The following SIRPA variants were observed in gnomAD, a reference collection of about 807,000 sequenced individuals.
SIRPA encodes the protein signal regulatory protein alpha, also known as tyrosine-protein phosphatase non-receptor type substrate 1.
In SIRPA, 9 loss-of-function variants were observed where a neutral mutation model predicts 50.3. The observed-to-expected ratio is 0.18, with a 90% CI of 0.11 to 0.31. SIRPA has a LOEUF of 0.31. Among genes scored for constraint, SIRPA ranks in the 10% least tolerant of loss-of-function variants. The pLI is 1.00. For synonymous variants in SIRPA, 265 were observed against 284.1 expected (o/e 0.93, Z 0.68); for missense variants, 474 against 661.6 (o/e 0.72, Z 3.11).
intron 1 of SIRPA, among the ~76,000 whole-genome samples, chr20:1,903,783 C>A (rs930966311): frequency 2.2e-4 from 33 of 152,164 alleles, no homozygotes; most frequent in Non-Finnish European, 2.9e-5. Flanking sequence ...CTGTCCCAAC[C>A]ACCCCATTCC....
chr20:1,909,119 G>A (rs1462499083), intron 1 of SIRPA, among the ~76,000 whole-genome samples: 1 of 152,360 alleles, frequency 6.6e-6, no homozygotes. Context: ...AGGGAGCCGG[G>A]TATCACTGCA....
In SIRPA at chr20:1,895,462, C is replaced by T. The variant is rs968099700; in HGVS notation, c.15C>T (p.Gly5=). 9 of 1,424,772 alleles carry T rather than the reference C, an allele frequency of 6.3e-6. No individual in the cohort carries two copies. The Admixed American group carries it at 2.5e-4, about 39-fold the overall frequency. The allele number at this position is 1,424,772 out of a possible 1,614,324, so 88.3% of individuals were successfully genotyped here. Residue 5 remains glycine (G), a synonymous_variant, in exon 1 of 8, where the codon GGC becomes GGT. Coordinates refer to ENST00000358771, the MANE Select transcript of SIRPA (RefSeq NM_001040023.2). ...AGCCGCGGCCCATGGAGCCCGCCGG[C>T]CCGGCCCCCGGCCGCCTCGGGCCGC... MEPA[G]PAPGRLGPLL... is the part of the protein sequence containing the mutation.
chr20:1,895,070 C>CCGCCTCG (rs1983689263), upstream of SIRPA, among the ~76,000 whole-genome samples: 1 of 150,954 alleles, frequency 6.6e-6, no homozygotes, highest in African/African-American at 2.4e-5. Context: ...GGTCTGCGCG[C>CCGCCTCG]CGCCTCGCTC....
chr20:1,896,512 ATCT>A (rs1268304567), intron 1 of SIRPA, among the ~76,000 whole-genome samples: 1 of 151,402 alleles, frequency 6.6e-6, no homozygotes, highest in East Asian at 1.9e-4. Context: ...AAAAATGGGG[ATCT>A]TGTTTTTTGT....
At chr20:1,931,808 C>T (rs1186907638) in intron 6 of SIRPA, among the ~76,000 whole-genome samples, 1 of 152,166 alleles carries the variant, frequency 6.6e-6, no homozygotes, top group African/African-American at 2.4e-5. Context: ...GTAATCTTCC[C>T]CAGCTCAGAT....
In SIRPA at chr20:1,915,011, C is replaced by T; in HGVS notation, c.80-88C>T. On this transcript the variant is annotated intron_variant, in intron 1 of 7. Transcript: ENST00000358771. ...TCACAGCCTGCTTCTGGTGTGCATC[C>T]AGTCAATGAACGTCATTGATAAACA... 5 of 1,065,346 alleles carry T rather than the reference C, an allele frequency of 4.7e-6. 1 individual carries two copies. The Admixed American group carries it at 8.7e-5, about 18-fold the overall frequency. The allele number at this position is 1,065,346 out of a possible 1,614,324, so 66.0% of individuals were successfully genotyped here.
intron 5 of SIRPA, among the ~76,000 whole-genome samples, chr20:1,926,138 G>A (rs1166149312): frequency 6.6e-6 from 1 of 152,164 alleles, no homozygotes; most frequent in Non-Finnish European, 1.5e-5. Flanking sequence ...CCTCCCTCCT[G>A]GGCTGGCTCT....
intron 5 of SIRPA, among the ~76,000 whole-genome samples, chr20:1,925,119 G>A (rs1302971385): frequency 1.3e-5 from 2 of 152,158 alleles, no homozygotes; most frequent in African/African-American, 4.8e-5. Flanking sequence ...TCCTCAAGGG[G>A]CCACTACTGA....
rs1370042282 is a variant in SIRPA at position 1,915,246 on chromosome 20, G to A, written c.227G>A (p.Arg76Gln). 18 of 1,612,186 alleles carry A rather than the reference G, an allele frequency of 1.1e-5. No individual in the cohort carries two copies. Among genetic ancestry groups the A allele is most frequent in the African/African-American group, 4.0e-5 (3 of 74,468 alleles). Residue 76 changes from arginine (R) to glutamine (Q), a missense_variant, in exon 2 of 8, where the codon CGG becomes CAG. This residue lies in a region of SIRPA where 221 missense variants were observed against 359.9 expected (regional missense o/e 0.61). Coordinates refer to ENST00000358771, the MANE Select transcript of SIRPA (RefSeq NM_001040023.2). ...IQWFRGAGPG[R>Q]ELIYNQKEGH... ...TGGTTCAGAGGAGCTGGACCAGGCCGGGAATTAATCTACAATCAAAAAGAA... is the reference window on the plus strand; with the variant it reads ...TGGTTCAGAGGAGCTGGACCAGGCCAGGAATTAATCTACAATCAAAAAGAA...
intron 1 of SIRPA, among the ~76,000 whole-genome samples, chr20:1,914,290 AC>A (rs1428549123): frequency 1.3e-5 from 2 of 152,204 alleles, no homozygotes; most frequent in Non-Finnish European, 2.9e-5. Context: ...TCCCACAAGA[AC>A]AAGGGGCGAG....
rs1983947151 is a variant in SIRPA at position 1,898,266 on chromosome 20, CG to C, written c.79+2744del. 1.3e-5 allele frequency among the ~76,000 whole-genome samples: 2 copies of C among 152,186 alleles called. No homozygotes were observed. Among genetic ancestry groups the C allele is most frequent in the Non-Finnish European group, 2.9e-5 (2 of 68,022 alleles). The stretch of plus-strand genomic sequence containing the variant: ...CTTCCTCTTTCGTAAGAAGAGAAAA[CG>C]GGGCGGGAGTGCTTTGGCTCAACAC... On this transcript the variant is annotated intron_variant, in intron 1 of 7. Transcript: ENST00000358771. This position sits in a 1 kb window ranked among gnomAD's most constrained non-coding sequence, Gnocchi z 4.3.
intron 7 of SIRPA, among the ~76,000 whole-genome samples, chr20:1,935,826 G>A (rs968912039): frequency 1.3e-5 from 2 of 152,178 alleles, no homozygotes; most frequent in African/African-American, 4.8e-5. Context: ...AGTGCCAGGT[G>A]CCAGCCCTGG....
At position 1,938,154 on chromosome 20, in the gene SIRPA, C is replaced by A. The variant is rs878954319; in HGVS notation, c.*586C>A. On this transcript the variant is annotated 3_prime_UTR_variant, in exon 8 of 8. Coordinates refer to ENST00000358771, the MANE Select transcript of SIRPA (RefSeq NM_001040023.2). The stretch of plus-strand genomic sequence containing the variant: ...TGCTGCCAACAGTCCTGGCCTCCCC[C>A]ATCCCTAGGCTAAAGAGCCATGAGT... 6.5e-6 allele frequency: 1 copy of A among 154,214 alleles called. No homozygotes were observed. Among genetic ancestry groups the A allele is most frequent in the Non-Finnish European group, 1.4e-5 (1 of 69,162 alleles). 9.6% of individuals were successfully genotyped at this position (154,214 alleles called of 1,614,324 possible). A position where few individuals can be genotyped will look rare whatever the true frequency, so the allele number is the denominator to read the frequency against.
Position 1,937,517 on chromosome 20 carries a change from G to A in SIRPA, c.1464G>A (p.Lys488=), listed in dbSNP as rs1986657757. 1 of 1,614,126 alleles carries A rather than the reference G, an allele frequency of 6.2e-7. No homozygotes were observed. Among genetic ancestry groups the A allele is most frequent in the East Asian group, 2.2e-5 (1 of 44,858 alleles). ...GGACCCCCAAGCAGCCGGCCCCCAA[G>A]CCTGAGCCGTCCTTCTCAGAGTACG... ...LNRTPKQPAP[K]PEPSFSEYAS... The change falls in exon 8 of 8, where the codon AAG becomes AAA. Residue 488 remains lysine, a synonymous_variant. Transcript: ENST00000358771. The surrounding 1 kb of genome is among the most constrained non-coding windows in gnomAD (Gnocchi z 8.3).
chr20:1,924,685 A>T lies in SIRPA; in HGVS notation c.1088-79A>T. 8.9e-7 allele frequency: 1 copy of T among 1,122,580 alleles called. No homozygotes were observed. The highest frequency in any genetic ancestry group is 1.4e-6 in the Non-Finnish European group (1 of 740,542). The allele number at this position is 1,122,580 out of a possible 1,614,324, so 69.5% of individuals were successfully genotyped here. A position where few individuals can be genotyped will look rare whatever the true frequency, so the allele number is the denominator to read the frequency against. Reference sequence around the variant, plus strand: ...TGTTCTCAGTTAATGATGCCTGCTTAGTGGTGAAAAGCAGTGGTGGGTTTG... The same window carrying T: ...TGTTCTCAGTTAATGATGCCTGCTTTGTGGTGAAAAGCAGTGGTGGGTTTG... On this transcript the variant is annotated intron_variant, in intron 4 of 7. Transcript: ENST00000358771. The surrounding 1 kb of genome is among the most constrained non-coding windows in gnomAD (Gnocchi z 4.5).
chr20:1,935,105 G>A lies in SIRPA; in HGVS notation c.1266+351G>A, dbSNP rs548502570. Among the ~76,000 whole-genome samples, 32 of 152,272 alleles carry A rather than the reference G, an allele frequency of 2.1e-4. No homozygotes were observed. The South Asian group carries it at 6.4e-3, about 31-fold the overall frequency. ...GCCCAGGCCCATCCCTCTACCAGGA[G>A]CGCCACTCCCAGCTCACTGCCCGCT... On this transcript the variant is annotated intron_variant, in intron 7 of 7. Coordinates refer to ENST00000358771, the MANE Select transcript of SIRPA (RefSeq NM_001040023.2).
At position 1,937,756 on chromosome 20, in the gene SIRPA, G is replaced by A. The variant is rs918123309; in HGVS notation, c.*188G>A. 6.6e-5 allele frequency: 46 copies of A among 700,280 alleles called. No individual in the cohort carries two copies. Among genetic ancestry groups the A allele is most frequent in the African/African-American group, 3.4e-4 (19 of 55,570 alleles). 43.4% of individuals were successfully genotyped at this position (700,280 alleles called of 1,614,324 possible). A position where few individuals can be genotyped will look rare whatever the true frequency, so the allele number is the denominator to read the frequency against. On this transcript the variant is annotated 3_prime_UTR_variant, in exon 8 of 8. Coordinates refer to ENST00000358771, the MANE Select transcript of SIRPA (RefSeq NM_001040023.2). This position sits in a 1 kb window ranked among gnomAD's most constrained non-coding sequence, Gnocchi z 8.3. ...TCTCCAGCACTTCCTGGGCAGCCAC[G>A]GCCCCCTCCCCCCACATTGCCACAT...
Position 1,940,527 on chromosome 20 carries a change from C to T in SIRPA, c.*2959C>T, listed in dbSNP as rs1027252266. On this transcript the variant is annotated 3_prime_UTR_variant, in exon 8 of 8. Coordinates refer to ENST00000358771, the MANE Select transcript of SIRPA (RefSeq NM_001040023.2). ...AATAAATGTTAGTTTCCTTTCTATC[C>T]CTCCATTAGATCATTAATGATATTA... The T allele has an allele frequency of 2.6e-5, 4 of 152,082 alleles. No individual in the cohort carries two copies. Among genetic ancestry groups the T allele is most frequent in the African/African-American group, 9.7e-5 (4 of 41,376 alleles). 9.4% of individuals were successfully genotyped at this position (152,082 alleles called of 1,614,324 possible).
chr20:1,924,945 A>C lies in SIRPA; in HGVS notation c.1201+68A>C. ...ACTGTCCTCGGAGGGAGACGCCATT[A>C]GGTGCTTTGGGTTAAGGACATCAGC... On this transcript the variant is annotated intron_variant, in intron 5 of 7. Transcript: ENST00000358771. This position sits in a 1 kb window ranked among gnomAD's most constrained non-coding sequence, Gnocchi z 4.5. 7.8e-7 allele frequency: 1 copy of C among 1,288,966 alleles called. No individual in the cohort carries two copies. The highest frequency in any genetic ancestry group is 1.8e-5 in the Admixed American group (1 of 55,628). 79.8% of individuals were successfully genotyped at this position (1,288,966 alleles called of 1,614,324 possible).
Sources: gnomAD v4.1 joint callset for allele counts (sites outside exome capture counted in the v4.1 genomes callset) on GRCh38, gnomAD v4.1.1 for gene constraint, gnomAD v4.1.1 regional missense constraint, Gnocchi (gnomAD v3.1) non-coding constraint, MANE v1.5 for transcripts, NCBI Gene and HGNC (gene_info 2026-07-23, HGNC 2026-07-21) for gene names.